The following NPHP4 variants were observed in gnomAD, a reference collection of about 807,000 sequenced individuals.
NPHP4 encodes nephrocystin 4.
A neutral mutation model predicts 155.8 loss-of-function variants in NPHP4; 151 were observed. The observed-to-expected ratio is 0.97, with a 90% CI of 0.85 to 1.11. NPHP4 has a LOEUF of 1.11. Ranked by LOEUF, NPHP4 falls within the 50% of genes least tolerant of loss-of-function variation. The probability of loss-of-function intolerance (pLI) is 0.00; values close to 1 mark genes in which losing one functional copy is unlikely to be tolerated. For synonymous variants in NPHP4, 845 were observed against 816.8 expected (o/e 1.03, Z -0.59); for missense variants, 1,956 against 1,925.7 (o/e 1.02, Z -0.29).
At chr1:5,941,858 G>T (rs1206675581) in intron 9 of NPHP4, among the ~76,000 whole-genome samples, 1 of 152,186 alleles carries the variant, frequency 6.6e-6, no homozygotes, top group Non-Finnish European at 1.5e-5. Context: ...AGGAGACAGG[G>T]GGCCCTGGGG....
At chr1:5,916,238 A>G (rs139411743) in intron 11 of NPHP4, among the ~76,000 whole-genome samples, 1 of 152,360 alleles carries the variant, frequency 6.6e-6, no homozygotes, top group African/African-American at 2.4e-5. Context: ...TTGCAATGTT[A>G]CAGAGAAAAT....
At chr1:5,935,993 T>C (rs2101785379) in intron 9 of NPHP4, among the ~76,000 whole-genome samples, 1 of 152,358 alleles carries the variant, frequency 6.6e-6, no homozygotes, top group Middle Eastern at 3.4e-3. Context: ...AAGTGTATTA[T>C]TACAGGATCA....
Position 5,880,238 on chromosome 1 carries a change from A to T in NPHP4, c.2487T>A (p.Gly829=), listed in dbSNP as rs759022050. ...CTCTCACTTTCTGTTCACACGGGTGACCTACATGAAAAACATCCCAACATA... is the reference window on the plus strand; with the variant it reads ...CTCTCACTTTCTGTTCACACGGGTGTCCTACATGAAAAACATCCCAACATA... ...GRLHLTLANV[G]HPCEQKVRGC... The change falls in exon 19 of 30, where the codon GGT becomes GGA. Residue 829 remains glycine, a splice_region_variant and synonymous_variant. Transcript: ENST00000378156. 5.6e-6 allele frequency: 9 copies of T among 1,613,280 alleles called. No homozygotes were observed.
intron 6 of NPHP4, among the ~76,000 whole-genome samples, chr1:5,958,962 C>T (rs571335449): frequency 2.0e-5 from 3 of 148,500 alleles, no homozygotes; most frequent in Non-Finnish European, 3.0e-5. Flanking sequence ...AGGGCCCACA[C>T]GGCACTGGCA....
intron 7 of NPHP4, among the ~76,000 whole-genome samples, chr1:5,951,700 A>C (rs1648098813): frequency 3.9e-5 from 6 of 152,156 alleles, no homozygotes; most frequent in Admixed American, 3.9e-4. Context: ...ATTTTTCTAG[A>C]CCAAGGACAG....
chr1:5,956,222 G>C (rs1649208731), intron 6 of NPHP4, among the ~76,000 whole-genome samples: 1 of 152,244 alleles, frequency 6.6e-6, no homozygotes, highest in Admixed American at 6.5e-5. Flanking sequence ...AGGCATCTGG[G>C]AGGGGGCAGA....
In NPHP4 at chr1:5,905,699, C is replaced by T. The variant is rs1277122651; in HGVS notation, c.1696G>A (p.Glu566Lys). The part of the protein sequence containing the change: ...TSLVLETSIA[E>K]QLQELPFTPL... ...GTGAACGGCAGCTCCTGTAACTGTT[C>T]GGCAATGGATGTTTCCAGGACCAGG... is the stretch of plus-strand genomic sequence containing the variant. Residue 566 changes from glutamate (E) to lysine (K), a missense_variant, in exon 14 of 30, where the codon GAA becomes AAA. Coordinates refer to ENST00000378156, the MANE Select transcript of NPHP4 (RefSeq NM_015102.5). This position sits in a 1 kb window ranked among gnomAD's most constrained non-coding sequence, Gnocchi z 4.0. The T allele has an allele frequency of 1.9e-5, 30 of 1,613,710 alleles. No homozygotes were observed. The highest frequency in any genetic ancestry group is 6.7e-5 in the Admixed American group (4 of 59,984).
At position 5,910,586 on chromosome 1, in the gene NPHP4, C is replaced by G. The variant is rs1050515309; in HGVS notation, c.1442-1373G>C. Among the ~76,000 whole-genome samples the G allele has an allele frequency of 1.3e-5, 2 of 152,216 alleles. No homozygotes were observed. The highest frequency in any genetic ancestry group is 4.8e-5 in the African/African-American group (2 of 41,462). On this transcript the variant is annotated intron_variant, in intron 11 of 29. Coordinates refer to ENST00000378156, the MANE Select transcript of NPHP4 (RefSeq NM_015102.5). This position sits in a 1 kb window ranked among gnomAD's most constrained non-coding sequence, Gnocchi z 5.4. ...GCACTTACGGGACCTACGGACCAAG[C>G]ACACAGCACAGAGGCCTGTGACGTC...
rs749486000 is a variant in NPHP4, at chr1:5,880,160, G to A, written c.2565C>T (p.Ala855=). ...GGAGGCTGCCTCCAGAGAAGCGGCT[G>A]GCTCCATCGTTTGAGATGACCCGAG... ...SRSRVISNDG[A]SRFSGGSLLT... is the part of the protein sequence containing the mutation. The change falls in exon 19 of 30, where the codon GCC becomes GCT. Residue 855 remains alanine, a synonymous_variant. Coordinates refer to ENST00000378156, the MANE Select transcript of NPHP4 (RefSeq NM_015102.5). The A allele has an allele frequency of 1.2e-6, 2 of 1,613,696 alleles. No individual in the cohort carries two copies. The highest frequency in any genetic ancestry group is 4.5e-5 in the East Asian group (2 of 44,870).
chr1:5,948,266 G>A lies in NPHP4; in HGVS notation c.811-15C>T. 6.5e-7 allele frequency: 1 copy of A among 1,538,234 alleles called. No homozygotes were observed. The highest frequency in any genetic ancestry group is 8.7e-7 in the Non-Finnish European group (1 of 1,144,154). Reference sequence around the variant, plus strand: ...GGGCCACATCCCTGGAAGAGGCACAGAAGGAATGAGCCCCGGCACAGACGG... The same window carrying A: ...GGGCCACATCCCTGGAAGAGGCACAAAAGGAATGAGCCCCGGCACAGACGG... On this transcript the variant is annotated splice_polypyrimidine_tract_variant and intron_variant, in intron 7 of 29. Coordinates refer to ENST00000378156, the MANE Select transcript of NPHP4 (RefSeq NM_015102.5).
intron 10 of NPHP4, among the ~76,000 whole-genome samples, chr1:5,930,127 G>GT (rs537827569): frequency 1.5e-3 from 230 of 152,184 alleles, no homozygotes; most frequent in Non-Finnish European, 2.6e-3. Context: ...TTTAATACCC[G>GT]TGAGGTCTGT....
intron 27 of NPHP4, 144 bp downstream of exon 27, chr1:5,864,958 G>A (rs1340185298): frequency 1.1e-5 from 8 of 745,580 alleles, no homozygotes; most frequent in Non-Finnish European, 1.8e-5. Flanking sequence ...ACTGCCGAGA[G>A]GCCTCTGGTA....
rs373315843 is a variant in NPHP4 at position 5,863,326 on chromosome 1, T to A, written c.4220A>T (p.Tyr1407Phe). 2 of 1,613,828 alleles carry A rather than the reference T, an allele frequency of 1.2e-6. No homozygotes were observed. Among genetic ancestry groups the A allele is most frequent in the Non-Finnish European group, 1.7e-6 (2 of 1,179,806 alleles). ...GTTTTTGTCCTCATGGTCATTGATG[T>A]AGATCAGGATCTCCTCCTCACCCAC... ...QRVGEEEILI[Y>F]INDHEDKNEE... Residue 1407 changes from tyrosine to phenylalanine, a missense_variant, in exon 30 of 30, where the codon TAC becomes TTC. Tyr to Phe is a conservative substitution (Grantham distance 22). Coordinates refer to ENST00000378156, the MANE Select transcript of NPHP4 (RefSeq NM_015102.5).
chr1:5,952,015 G>C (rs1648178670), intron 7 of NPHP4, among the ~76,000 whole-genome samples: 1 of 152,212 alleles, frequency 6.6e-6, no homozygotes, highest in Admixed American at 6.5e-5. Context: ...AAAAGCCTCT[G>C]CCTAACAGAT....
intron 7 of NPHP4, among the ~76,000 whole-genome samples, chr1:5,951,373 A>C (rs867662110): frequency 3.9e-5 from 6 of 152,204 alleles, no homozygotes; most frequent in South Asian, 2.1e-4. Flanking sequence ...TCTGCAATTA[A>C]AGTTTCTTTC....
intron 9 of NPHP4, among the ~76,000 whole-genome samples, chr1:5,943,570 G>C (rs940152029): frequency 2.6e-5 from 4 of 152,190 alleles, no homozygotes; most frequent in African/African-American, 9.7e-5. Flanking sequence ...AGGCAGCAGG[G>C]CCACAGGGAG....
chr1:5,981,678 T>C (rs938963284), intron 2 of NPHP4, among the ~76,000 whole-genome samples: 2 of 152,248 alleles, frequency 1.3e-5, no homozygotes, highest in African/African-American at 4.8e-5. Context: ...CCATCATCTA[T>C]TTCCAAACTC....
chr1:5,912,283 A>C (rs1350590867), intron 11 of NPHP4, among the ~76,000 whole-genome samples: 1 of 152,232 alleles, frequency 6.6e-6, no homozygotes, highest in African/African-American at 2.4e-5. Flanking sequence ...TCACGCCTGT[A>C]ATCCCAGCAC....
At chr1:5,929,226 C>T (rs1646158512) in intron 10 of NPHP4, among the ~76,000 whole-genome samples, 1 of 152,182 alleles carries the variant, frequency 6.6e-6, no homozygotes, top group Non-Finnish European at 1.5e-5. Context: ...TTGGCATAGA[C>T]AATCACGTTT....
Sources: gnomAD v4.1 joint callset for allele counts (sites outside exome capture counted in the v4.1 genomes callset) on GRCh38, gnomAD v4.1.1 for gene constraint, Gnocchi (gnomAD v3.1) non-coding constraint, MANE v1.5 for transcripts, NCBI Gene and HGNC (gene_info 2026-07-23, HGNC 2026-07-21) for gene names.